Variants in INTU observed in about 807,000 individuals in gnomAD.
The protein encoded by INTU is protein inturned.
Under a neutral mutation model 100.5 loss-of-function variants are expected in INTU, and 68 were observed. The ratio of observed to expected loss-of-function variants is 0.68; its 90% CI spans 0.56 to 0.83. The LOEUF is 0.83. Among genes scored for constraint, INTU ranks in the 40% least tolerant of loss-of-function variants. INTU has a pLI of 0.00. For missense variants in INTU, 1,071 were observed against 1,114.7 expected, an observed-to-expected ratio of 0.96 and a Z score of 0.56; for synonymous variants, 357 against 395.7, an observed-to-expected ratio of 0.90 and a Z score of 1.16.
intron 14 of INTU, 101 bp downstream of exon 14, chr4:127,711,203 T>A: frequency 1.1e-6 from 1 of 902,796 alleles, no homozygotes; most frequent in Non-Finnish European, 1.6e-6. Context: ...TTCATTTCAT[T>A]AAGTTTTTTT....
intron 15 of INTU, 103 bp from the exon 16 acceptor site, chr4:127,716,222 C>T (rs926752106): frequency 3.7e-6 from 2 of 543,128 alleles, no homozygotes; most frequent in African/African-American, 1.9e-5. Context: ...TTTAAATTTA[C>T]TACTGATGCT....
chr4:127,676,856 G>T (rs1222002893), intron 6 of INTU, among the ~76,000 whole-genome samples: 3 of 152,156 alleles, frequency 2.0e-5, no homozygotes, highest in Non-Finnish European at 4.4e-5. Context: ...CAAAGAAAGG[G>T]GTGACAGACA....
rs564826094 is a variant in INTU at position 127,721,226 on chromosome 4, A to T, written c.*4790A>T. The T allele has an allele frequency of 6.6e-6, 1 of 152,256 alleles. No individual in the cohort carries two copies. Among genetic ancestry groups the T allele is most frequent in the African/African-American group, 2.4e-5 (1 of 41,546 alleles). The allele number at this position is 152,256 out of a possible 1,614,324, so 9.4% of individuals were successfully genotyped here. A position where few individuals can be genotyped will look rare whatever the true frequency, so the allele number is the denominator to read the frequency against. ...AAAAGATTTTATTTCTCCTTCACTT[A>T]TGAAGCTTAGTTCAGCCAGATATGA... On this transcript the variant is annotated 3_prime_UTR_variant, in exon 16 of 16. Coordinates refer to ENST00000335251, the MANE Select transcript of INTU (RefSeq NM_015693.4).
chr4:127,705,513 T>A, intron 10 of INTU, 78 bp from the exon 11 acceptor site: 1 of 1,055,082 alleles, frequency 9.5e-7, no homozygotes, highest in Non-Finnish European at 1.5e-6. Flanking sequence ...AAGAAGTGTC[T>A]ATGAAACTCT....
chr4:127,706,863 G>A lies in INTU; in HGVS notation c.2165G>A (p.Gly722Asp), dbSNP rs202202249. 5 of 1,614,072 alleles carry A rather than the reference G, an allele frequency of 3.1e-6. No individual in the cohort carries two copies. In the African/African-American group the frequency reaches 6.7e-5, roughly 22 times the overall value. Reference protein sequence around the residue: ...SSGGSDNGCEGGEDDGFSPHT... With the variant: ...SSGGSDNGCEDGEDDGFSPHT... ...GGAGGATCTGACAATGGTTGTGAAGGTGGAGAAGATGATGGCTTTAGCCCC... is the reference window on the plus strand; with the variant it reads ...GGAGGATCTGACAATGGTTGTGAAGATGGAGAAGATGATGGCTTTAGCCCC... Residue 722 changes from glycine to aspartate, a missense_variant, in exon 12 of 16, where the codon GGT becomes GAT. Coordinates refer to ENST00000335251, the MANE Select transcript of INTU (RefSeq NM_015693.4).
intron 2 of INTU, among the ~76,000 whole-genome samples, chr4:127,650,723 T>G (rs1727818604): frequency 6.6e-6 from 1 of 151,706 alleles, no homozygotes; most frequent in East Asian, 2.0e-4. Context: ...TATAGTCCTT[T>G]GGGTATATAC....
At chr4:127,647,870 T>C (rs150584132) in intron 2 of INTU, among the ~76,000 whole-genome samples, 100 of 152,280 alleles carry the variant, frequency 6.6e-4, no homozygotes, top group African/African-American at 2.2e-3. Flanking sequence ...ATTTTATATA[T>C]AGTATAAACA....
At chr4:127,673,933 T>A (rs1335376449) in intron 5 of INTU, among the ~76,000 whole-genome samples, 191 bp from the exon 6 acceptor site, 2 of 151,770 alleles carry the variant, frequency 1.3e-5, no homozygotes, top group African/African-American at 4.8e-5. Context: ...TTTTTTTTTT[T>A]AATATGTTGG....
rs1731306505 is a variant in INTU at position 127,718,882 on chromosome 4, G to C, written c.*2446G>C. On this transcript the variant is annotated 3_prime_UTR_variant, in exon 16 of 16. Transcript: ENST00000335251. The stretch of plus-strand genomic sequence containing the variant: ...TTGCTTATCAGCTTAAGAAGCTTTT[G>C]GGCTGAGACAATGGGGTTTTCTAGA... 1 of 152,156 alleles carries C rather than the reference G, an allele frequency of 6.6e-6. No homozygotes were observed. Among genetic ancestry groups the C allele is most frequent in the Admixed American group, 6.5e-5 (1 of 15,270 alleles). The allele number at this position is 152,156 out of a possible 1,614,324, so 9.4% of individuals were successfully genotyped here. A position where few individuals can be genotyped will look rare whatever the true frequency, so the allele number is the denominator to read the frequency against.
rs1381162714 is a variant in INTU at position 127,711,089 on chromosome 4, C to T, written c.2546C>T (p.Thr849Ile). 3 of 1,588,664 alleles carry T rather than the reference C, an allele frequency of 1.9e-6. No individual in the cohort carries two copies. The Admixed American group carries it at 5.0e-5, about 27-fold the overall frequency. Residue 849 changes from threonine (T) to isoleucine (I), a missense_variant, in exon 14 of 16, where the codon ACA (threonine) becomes ATA (isoleucine). By Grantham distance (89) the Thr-to-Ile change is moderately conservative (BLOSUM62 -1). Transcript: ENST00000335251. ...TCCATTCGTGCAGTTTTCCAACAGA[C>T]ATTGGTGGAAGAGGTAGGGCACTGC... Reference protein sequence around the residue: ...CLSIRAVFQQTLVEEKKKGLN... With the variant: ...CLSIRAVFQQILVEEKKKGLN...
intron 2 of INTU, 145 bp from the exon 3 acceptor site, chr4:127,656,491 A>G: frequency 1.7e-6 from 1 of 582,302 alleles, no homozygotes; most frequent in Middle Eastern, 3.6e-4. Context: ...TGAGCTGTAT[A>G]AACCTGGACA....
At chr4:127,703,410 G>A (rs1029041303) in intron 9 of INTU, among the ~76,000 whole-genome samples, 24 of 152,154 alleles carry the variant, frequency 1.6e-4, no homozygotes, top group African/African-American at 5.8e-4. Context: ...ATCCCCAGGT[G>A]TAACTGCTCT....
chr4:127,633,503 CTG>C (rs1726935306), intron 1 of INTU, among the ~76,000 whole-genome samples: 3 of 152,152 alleles, frequency 2.0e-5, no homozygotes, highest in South Asian at 4.2e-4. Context: ...TCAAAAAACT[CTG>C]TTTCGATCGC....
At chr4:127,691,695 C>T in intron 8 of INTU, among the ~76,000 whole-genome samples, 1 of 151,676 alleles carries the variant, frequency 6.6e-6, no homozygotes, top group South Asian at 2.1e-4. Flanking sequence ...CACCCATCAC[C>T]CAAGGAGTAT....
intron 6 of INTU, among the ~76,000 whole-genome samples, chr4:127,676,916 A>G (rs895051675): frequency 3.3e-5 from 5 of 152,136 alleles, no homozygotes; most frequent in African/African-American, 1.2e-4. Context: ...CTTTCCCAAC[A>G]GGCTTAAAAA....
At position 127,709,629 on chromosome 4, in the gene INTU, T is replaced by C. The variant is rs1001552200; in HGVS notation, c.2369+961T>C. 2.6e-5 allele frequency among the ~76,000 whole-genome samples: 4 copies of C among 152,094 alleles called. No individual in the cohort carries two copies. In the South Asian group the frequency reaches 8.3e-4, roughly 31 times the overall value. On this transcript the variant is annotated intron_variant, in intron 13 of 15. Transcript: ENST00000335251. ...CTGTGCCTTGGCAGGTATTTAATTA[T>C]GACATCATGTGTGGGATCAACTGGT...
chr4:127,702,569 G>A (rs1410567739), intron 9 of INTU, among the ~76,000 whole-genome samples: 1 of 151,926 alleles, frequency 6.6e-6, no homozygotes, highest in Non-Finnish European at 1.5e-5. Context: ...CAATTTTGGT[G>A]GCACTTACAT....
chr4:127,685,840 C>A, intron 7 of INTU: 1 of 153,232 alleles, frequency 6.5e-6, no homozygotes, highest in Non-Finnish European at 1.5e-5. Flanking sequence ...AGACTGGGGA[C>A]AGAGGGACTT....
At chr4:127,677,386 T>C (rs2126217538) in intron 6 of INTU, among the ~76,000 whole-genome samples, 1 of 150,562 alleles carries the variant, frequency 6.6e-6, no homozygotes, top group East Asian at 1.9e-4. Context: ...CACAGCAGGG[T>C]ACTCCTCTGA....
Sources: allele counts gnomAD v4.1 joint callset (sites outside exome capture counted in the v4.1 genomes callset), GRCh38; gene constraint gnomAD v4.1.1; transcripts MANE v1.5; gene names NCBI Gene and HGNC (gene_info 2026-07-23, HGNC 2026-07-21).